The following RAD54L2 variants were observed in gnomAD, a reference collection of about 807,000 sequenced individuals.
RAD54L2 encodes helicase ARIP4.
RAD54L2 carries 27 observed loss-of-function variants against 138.4 expected under a neutral mutation model. That is an observed-to-expected ratio of 0.20 (90% CI 0.14 to 0.27). The LOEUF is 0.27. RAD54L2 is among the 10% of genes least tolerant of loss of function. RAD54L2 has a pLI of 1.00. For missense variants in RAD54L2, 1,396 were observed against 1,890.2 expected (o/e 0.74, Z 4.85); for synonymous variants, 644 against 723.2 (o/e 0.89, Z 1.76).
chr3:51,601,175 T>C (rs1700071504), intron 3 of RAD54L2, among the ~76,000 whole-genome samples: 1 of 152,148 alleles, frequency 6.6e-6, no homozygotes, highest in Admixed American at 6.6e-5. Flanking sequence ...CATGCCTGGC[T>C]AATTTTTTTT....
At chr3:51,632,261 T>C (rs1035662111) in intron 7 of RAD54L2, among the ~76,000 whole-genome samples, 1 of 152,198 alleles carries the variant, frequency 6.6e-6, no homozygotes, top group Non-Finnish European at 1.5e-5. Context: ...ATTTTGGCTA[T>C]TGTGCATAAC....
intron 2 of RAD54L2, among the ~76,000 whole-genome samples, chr3:51,586,769 A>G (rs1483927495): frequency 6.6e-6 from 1 of 151,220 alleles, no homozygotes; most frequent in Non-Finnish European, 1.5e-5. Flanking sequence ...GGGTTTCACC[A>G]TGTTGTTTGG....
rs936793751 is a variant in RAD54L2, at chr3:51,663,391, G to A, written c.4375G>A (p.Asp1459Asn). ...FSSNDDEDKD[D>N]DVIEVTGK ...CTCCAATGATGATGAGGATAAAGACGATGATGTGATAGAGGTCACTGGGAA... is the reference window on the plus strand; with the variant it reads ...CTCCAATGATGATGAGGATAAAGACAATGATGTGATAGAGGTCACTGGGAA... The change falls in exon 23 of 23, where the codon GAT becomes AAT. Residue 1459 changes from aspartate to asparagine, a missense_variant. Transcript: ENST00000684192. 6.2e-6 allele frequency: 10 copies of A among 1,613,360 alleles called. No individual in the cohort carries two copies. Among genetic ancestry groups the A allele is most frequent in the African/African-American group, 2.7e-5 (2 of 74,834 alleles).
intron 19 of RAD54L2, among the ~76,000 whole-genome samples, chr3:51,651,270 G>A (rs536305284): frequency 5.3e-5 from 8 of 152,184 alleles, no homozygotes; most frequent in African/African-American, 1.7e-4. Context: ...CCAACAACAG[G>A]CTCTGAAATT....
intron 2 of RAD54L2, among the ~76,000 whole-genome samples, chr3:51,562,293 G>A (rs1227702231): frequency 2.6e-5 from 4 of 151,692 alleles, no homozygotes; most frequent in African/African-American, 7.3e-5. Context: ...GTGCAGTGGC[G>A]TGATCTCGGC....
At chr3:51,576,259 T>C (rs547866255) in intron 2 of RAD54L2, among the ~76,000 whole-genome samples, 4 of 152,362 alleles carry the variant, frequency 2.6e-5, no homozygotes, top group African/African-American at 4.8e-5. Flanking sequence ...CAGTATTTTA[T>C]TGAGGATTTT....
At chr3:51,656,644 C>G (rs1487315487) in intron 20 of RAD54L2, among the ~76,000 whole-genome samples, 1 of 152,132 alleles carries the variant, frequency 6.6e-6, no homozygotes, top group South Asian at 2.1e-4. Flanking sequence ...GCCAACCCAT[C>G]CACTCCAGGA....
rs1261818112 is a variant in RAD54L2, at chr3:51,637,047, T to C, written c.1340-114T>C. On this transcript the variant is annotated intron_variant, in intron 10 of 22. Transcript: ENST00000684192. The surrounding 1 kb of genome is among the most constrained non-coding windows in gnomAD (Gnocchi z 5.9). ...CTCACCAAGGGGGGCTGACTCTTGC[T>C]TTCCTGCTTCCTTCATTTCTTCTGT... is the stretch of plus-strand genomic sequence containing the variant. 2 of 964,582 alleles carry C rather than the reference T, an allele frequency of 2.1e-6. No individual in the cohort carries two copies. The highest frequency in any genetic ancestry group is 2.6e-5 in the East Asian group (1 of 37,898). 59.8% of individuals were successfully genotyped at this position (964,582 alleles called of 1,614,324 possible).
At chr3:51,565,522 C>CT (rs1699194507) in intron 2 of RAD54L2, among the ~76,000 whole-genome samples, 1 of 152,210 alleles carries the variant, frequency 6.6e-6, no homozygotes, top group South Asian at 2.1e-4. Flanking sequence ...GTCACCCACA[C>CT]TGGAGTGCAG....
intron 2 of RAD54L2, among the ~76,000 whole-genome samples, chr3:51,549,289 C>T (rs1462713456): frequency 6.6e-6 from 1 of 151,846 alleles, no homozygotes; most frequent in East Asian, 2.0e-4. Flanking sequence ...CCACCACTCC[C>T]GGCCTAGCAG....
At chr3:51,635,097 C>T (rs966298997) in intron 9 of RAD54L2, among the ~76,000 whole-genome samples, 2 of 152,138 alleles carry the variant, frequency 1.3e-5, no homozygotes, top group African/African-American at 2.4e-5. Flanking sequence ...GTGAGTGCTC[C>T]GGTGTTTGGA....
intron 19 of RAD54L2, among the ~76,000 whole-genome samples, chr3:51,654,300 C>T (rs571066650): frequency 2.8e-4 from 43 of 152,278 alleles, no homozygotes; most frequent in Non-Finnish European, 1.9e-4. Context: ...CCACCTGCCT[C>T]GGCCTCCCAA....
At chr3:51,550,950 G>A (rs931483150) in intron 2 of RAD54L2, among the ~76,000 whole-genome samples, 7 of 152,100 alleles carry the variant, frequency 4.6e-5, no homozygotes, top group Non-Finnish European at 8.8e-5. Context: ...GGGAGGCTGA[G>A]GCACAAGAAT....
At chr3:51,621,739 C>T (rs934773549) in intron 3 of RAD54L2, among the ~76,000 whole-genome samples, 3 of 152,018 alleles carry the variant, frequency 2.0e-5, no homozygotes, top group African/African-American at 7.2e-5. Context: ...AGAAACAAAA[C>T]AAAAAAGACC....
intron 2 of RAD54L2, among the ~76,000 whole-genome samples, chr3:51,545,908 G>A (rs1300916458): frequency 6.7e-6 from 1 of 150,240 alleles, no homozygotes; most frequent in African/African-American, 2.5e-5. Context: ...GTGTTAGGAA[G>A]GTTATCAAAG....
chr3:51,655,190 A>G (rs1222521734), intron 19 of RAD54L2, among the ~76,000 whole-genome samples: 14 of 151,874 alleles, frequency 9.2e-5, no homozygotes, highest in Non-Finnish European at 1.5e-5. Flanking sequence ...ATGAGGAAGA[A>G]CATAACAGTC....
intron 19 of RAD54L2, 80 bp from the exon 20 acceptor site, chr3:51,655,891 C>T (rs1479811564): frequency 7.8e-7 from 1 of 1,290,150 alleles, no homozygotes; most frequent in Non-Finnish European, 1.1e-6. Flanking sequence ...ATGGGGCAGC[C>T]TAGAAAGGCT....
chr3:51,654,256 C>CCAGG (rs1490721781), intron 19 of RAD54L2, among the ~76,000 whole-genome samples: 3 of 152,162 alleles, frequency 2.0e-5, no homozygotes, highest in African/African-American at 7.2e-5. Flanking sequence ...ACCATGTTGG[C>CCAGG]CAGGCTGGTC....
chr3:51,606,219 A>G (rs1279346484), intron 3 of RAD54L2, among the ~76,000 whole-genome samples: 2 of 152,210 alleles, frequency 1.3e-5, no homozygotes, highest in Non-Finnish European at 2.9e-5. Context: ...GTAGTGTCTT[A>G]AAAGATCCTG....
Sources: allele counts gnomAD v4.1 joint callset (sites outside exome capture counted in the v4.1 genomes callset), GRCh38; gene constraint gnomAD v4.1.1; non-coding constraint Gnocchi (gnomAD v3.1); transcripts MANE v1.5; gene names NCBI Gene and HGNC (gene_info 2026-07-23, HGNC 2026-07-21).